Variants in PPP6R2 observed in about 807,000 individuals in gnomAD.
The protein encoded by PPP6R2 is serine/threonine-protein phosphatase 6 regulatory subunit 2.
In PPP6R2, 62 loss-of-function variants were observed where a neutral mutation model predicts 100.2. The ratio of observed to expected loss-of-function variants is 0.62; its 90% confidence interval spans 0.50 to 0.76. The LOEUF (loss-of-function observed/expected upper bound fraction) is 0.76, where lower values mean the gene tolerates loss of function less well. Among genes scored for constraint, PPP6R2 ranks in the 30% least tolerant of loss-of-function variants. The pLI is 0.00. For synonymous variants in PPP6R2, 525 were observed against 514.7 expected (o/e 1.02, Z -0.27); for missense variants, 1,142 against 1,276.3 (o/e 0.89, Z 1.60).
intron 8 of PPP6R2, 60 bp from the exon 9 acceptor site, chr22:50,422,194 C>T: frequency 5.7e-6 from 9 of 1,573,150 alleles, no homozygotes; most frequent in Non-Finnish European, 7.8e-6. Flanking sequence ...CACTGAGTTG[C>T]TGGTGAGGTT....
chr22:50,410,857 ATC>A (rs1452719747), intron 4 of PPP6R2, among the ~76,000 whole-genome samples: 4 of 152,144 alleles, frequency 2.6e-5, no homozygotes, highest in Non-Finnish European at 5.9e-5. Flanking sequence ...CAGGGGCACA[ATC>A]TCGGCTCACT....
chr22:50,343,719 C>T (rs528134299), intron 1 of PPP6R2, among the ~76,000 whole-genome samples, 169 bp downstream of exon 1: 1 of 102,156 alleles, frequency 9.8e-6, no homozygotes, highest in Admixed American at 1.0e-4. Flanking sequence ...AGTGCCCCCC[C>T]CAAGTCAGTC....
chr22:50,340,049 GGTGTGGTGTGTGGTGTGTGATGTGT>G (rs1569219310), upstream of PPP6R2, among the ~76,000 whole-genome samples: 7 of 92,052 alleles, frequency 7.6e-5, no homozygotes, highest in South Asian at 3.9e-4. Flanking sequence ...GTGTGTTTAG[GGTGTGGTGTGTGGTGTGTGATGTGT>G]GTGTGGTGTG....
upstream of PPP6R2, among the ~76,000 whole-genome samples, chr22:50,339,089 T>G (rs970620859): frequency 1.5e-5 from 2 of 136,446 alleles, no homozygotes; most frequent in Non-Finnish European, 3.1e-5. Context: ...TGGTGTGTGG[T>G]GTGTGTGGTA....
At chr22:50,439,923 T>TCC in intron 20 of PPP6R2, 38 bp from the exon 21 acceptor site, 1 of 1,607,658 alleles carries the variant, frequency 6.2e-7, no homozygotes, top group Non-Finnish European at 8.5e-7. Context: ...GAGGCACCTG[T>TCC]CCCCCAGGAC....
intron 2 of PPP6R2, among the ~76,000 whole-genome samples, chr22:50,382,236 A>G (rs1394457955): frequency 5.3e-5 from 8 of 152,214 alleles, no homozygotes; most frequent in Non-Finnish European, 8.8e-5. Flanking sequence ...AAAATGATCC[A>G]AAGCTATAAT....
At chr22:50,434,146 T>C in intron 12 of PPP6R2, among the ~76,000 whole-genome samples, 1 of 54,838 alleles carries the variant, frequency 1.8e-5, no homozygotes, top group Non-Finnish European at 3.7e-5. Context: ...GAGGTGAACC[T>C]GGAGGAGGGC....
chr22:50,371,736 C>G (rs1205996853), intron 1 of PPP6R2, among the ~76,000 whole-genome samples: 3 of 152,154 alleles, frequency 2.0e-5, no homozygotes, highest in East Asian at 3.9e-4. Context: ...GCCTCCCAGG[C>G]TCCAGTGATC....
rs2060916202 is a variant in PPP6R2 at position 50,418,881 on chromosome 22, T to C, written c.633T>C (p.Ala211=). The C allele has an allele frequency of 6.2e-7, 1 of 1,613,236 alleles. No individual in the cohort carries two copies. The highest frequency in any genetic ancestry group is 1.7e-5 in the Admixed American group (1 of 59,974). Residue 211 remains alanine (A), a synonymous_variant, in exon 7 of 24, where the codon GCT becomes GCC. Transcript: ENST00000612753. ...TGTCTTTTCAGAGGCAGTCAAATGCTTCTCAGACTCTCTGTGACATAGTTA... is the reference window on the plus strand; with the variant it reads ...TGTCTTTTCAGAGGCAGTCAAATGCCTCTCAGACTCTCTGTGACATAGTTA... ...PSQDEDRQSN[A]SQTLCDIVRL...
intron 1 of PPP6R2, among the ~76,000 whole-genome samples, chr22:50,362,869 C>G (rs941818657): frequency 6.6e-6 from 1 of 152,152 alleles, no homozygotes; most frequent in Non-Finnish European, 1.5e-5. Context: ...GGCCCCAGAA[C>G]TGTGAGGAAT....
intron 10 of PPP6R2, among the ~76,000 whole-genome samples, chr22:50,428,072 C>G (rs1380744213): frequency 6.6e-6 from 1 of 151,238 alleles, no homozygotes; most frequent in African/African-American, 2.4e-5. Flanking sequence ...CCAGGTTGGT[C>G]TCAAACTCCT....
intron 6 of PPP6R2, among the ~76,000 whole-genome samples, chr22:50,418,508 A>T (rs7410343): frequency 0.33 from 50,521 of 151,218 alleles, 8,935 homozygotes; most frequent in East Asian, 0.66. Flanking sequence ...GCCCTCAGCC[A>T]ACCGAGTAGC....
At chr22:50,435,151 G>A (rs1429999825) in intron 13 of PPP6R2, 70 bp downstream of exon 13, 1 of 1,294,060 alleles carries the variant, frequency 7.7e-7, no homozygotes, top group East Asian at 2.7e-5. Flanking sequence ...TGCCGCCTGA[G>A]ACTAAGCTCT....
At chr22:50,443,535 A>T (rs1039840436) in intron 22 of PPP6R2, 2 of 309,446 alleles carry the variant, frequency 6.5e-6, no homozygotes, top group Non-Finnish European at 1.2e-5. Context: ...GACTGTGTCC[A>T]GTGTGAGGCT....
chr22:50,355,841 G>GA lies in PPP6R2; in HGVS notation c.-148+12302dup, dbSNP rs201199718. Among the ~76,000 whole-genome samples the GA allele has an allele frequency of 4.5e-3, 573 of 126,362 alleles. 1 individual carries two copies. The highest frequency in any genetic ancestry group is 0.019 in the South Asian group (75 of 4,010). 82.9% of individuals were successfully genotyped at this position (126,362 alleles called of 152,430 possible). ...TGGCACAGCCTTATTCTTTAAAATG[G>GA]AAAAAAAAAAACCAAAAAAAAAGCT... On this transcript the variant is annotated intron_variant, in intron 1 of 23. Transcript: ENST00000612753.
At chr22:50,364,137 T>G (rs558306627) in intron 1 of PPP6R2, among the ~76,000 whole-genome samples, 176 of 152,222 alleles carry the variant, frequency 1.2e-3, no homozygotes, top group African/African-American at 4.2e-3. Flanking sequence ...CCTCAGGTGA[T>G]CTGCCCACCT....
chr22:50,337,925 G>GT, the PPP6R2 span, among the ~76,000 whole-genome samples: 9 of 141,538 alleles, frequency 6.4e-5, no homozygotes, highest in African/African-American at 2.1e-4. Context: ...TGTGTGGTGT[G>GT]TGGGGTGTGT....
At position 50,419,395 on chromosome 22, in the gene PPP6R2, C is replaced by T. The variant is rs150082460; in HGVS notation, c.778C>T (p.Arg260Trp). ...QLLKNMFDGD[R>W]TESCLVSGTQ... ...TCTGAAGAACATGTTTGATGGAGAC[C>T]GGACGGAGAGCTGCCTCGTCAGTGG... Residue 260 changes from arginine (R) to tryptophan (W), a missense_variant, in exon 8 of 24, where the codon CGG (arginine) becomes TGG (tryptophan). Transcript: ENST00000612753. 484 of 1,614,020 alleles carry T rather than the reference C, an allele frequency of 3.0e-4. 2 individuals carry two copies. Among genetic ancestry groups the T allele is most frequent in the East Asian group, 1.8e-4 (8 of 44,896 alleles).
At chr22:50,437,126 T>C in intron 15 of PPP6R2, 58 bp downstream of exon 15, 1 of 1,458,214 alleles carries the variant, frequency 6.9e-7, no homozygotes. Flanking sequence ...CTGTGTGCGC[T>C]GCGCTTGGTC....
Sources: gnomAD v4.1 joint callset for allele counts (sites outside exome capture counted in the v4.1 genomes callset) on GRCh38, gnomAD v4.1.1 for gene constraint, MANE v1.5 for transcripts, NCBI Gene and HGNC (gene_info 2026-07-23, HGNC 2026-07-21) for gene names.